Variants in ATP13A4 observed in about 807,000 individuals in gnomAD.
The protein encoded by ATP13A4 is ATPase 13A4.
Under a neutral mutation model 142.5 loss-of-function variants are expected in ATP13A4, and 114 were observed. That is an observed-to-expected ratio of 0.80 (90% confidence interval 0.69 to 0.93). The LOEUF (loss-of-function observed/expected upper bound fraction) is 0.93. Among genes scored for constraint, ATP13A4 ranks in the 40% least tolerant of loss-of-function variants. The pLI is 0.00. For synonymous variants in ATP13A4, 488 were observed against 514.8 expected, an observed-to-expected ratio of 0.95 and a Z score of 0.70; for missense variants, 1,392 against 1,454.0, an observed-to-expected ratio of 0.96 and a Z score of 0.69.
At chr3:193,422,931 G>C (rs1715477013) in intron 25 of ATP13A4, among the ~76,000 whole-genome samples, 1 of 149,208 alleles carries the variant, frequency 6.7e-6, no homozygotes, top group South Asian at 2.1e-4. Flanking sequence ...AAGCAAAACA[G>C]AGTTGGTTTT....
At chr3:193,496,801 A>G (rs1345564080) in intron 3 of ATP13A4, among the ~76,000 whole-genome samples, 1 of 36,748 alleles carries the variant, frequency 2.7e-5, no homozygotes, top group Non-Finnish European at 5.3e-5. Context: ...AAAATACATA[A>G]ATAAATAAAT....
rs73067625 is a variant in ATP13A4 at position 193,592,798 on chromosome 3, A to C, written n.91+223T>G. On this transcript the variant is annotated intron_variant and non_coding_transcript_variant, in intron 1 of 3. Coordinates refer to the ATP13A4 transcript ENST00000489140. ...TAACGATGTGAAAGTGCTTTCAAAC[A>C]AAGATGCCCAAGAAAGAAGGTAGGC... Among the ~76,000 whole-genome samples the C allele has an allele frequency of 7.2e-3, 1,103 of 152,308 alleles. 10 individuals carry two copies. Among genetic ancestry groups the C allele is most frequent in the African/African-American group, 0.021 (890 of 41,580 alleles).
intron 2 of ATP13A4, among the ~76,000 whole-genome samples, chr3:193,513,368 G>A (rs965256089): frequency 2.0e-5 from 3 of 152,190 alleles, no homozygotes; most frequent in African/African-American, 7.2e-5. Context: ...ACTCCCAACA[G>A]AGTTTGATTT....
At chr3:193,428,846 C>T (rs112089362) in intron 25 of ATP13A4, among the ~76,000 whole-genome samples, 10 of 151,278 alleles carry the variant, frequency 6.6e-5, no homozygotes, top group South Asian at 4.2e-4. Flanking sequence ...ATGTAAAGGA[C>T]GAGTTAATGG....
intron 23 of ATP13A4, 87 bp from the exon 24 acceptor site, chr3:193,435,831 G>GA (rs1445052154): frequency 4.0e-5 from 49 of 1,219,394 alleles, no homozygotes; most frequent in African/African-American, 7.5e-5. Context: ...AAGCTCAGGA[G>GA]AAAAAAAATC....
chr3:193,453,607 GT>G (rs933940815), intron 17 of ATP13A4, among the ~76,000 whole-genome samples: 4 of 151,704 alleles, frequency 2.6e-5, no homozygotes, highest in South Asian at 2.1e-4. Flanking sequence ...AGTTTTCCTT[GT>G]TTTTTTTGTA....
At chr3:193,573,771 C>T (rs73064002) in intron 2 of ATP13A4, among the ~76,000 whole-genome samples, 4,285 of 152,144 alleles carry the variant, frequency 0.028, 179 homozygotes, top group African/African-American at 0.092. Context: ...CTTCCAAAAT[C>T]GATTATTTAT....
intron 5 of ATP13A4, 44 bp downstream of exon 5, chr3:193,492,873 T>G: frequency 6.9e-7 from 1 of 1,443,120 alleles, no homozygotes. Context: ...GGCTAACTGA[T>G]AATAATCCTT....
chr3:193,502,767 G>A (rs1476202993), intron 2 of ATP13A4, 128 bp from the exon 3 acceptor site: 21 of 1,011,260 alleles, frequency 2.1e-5, no homozygotes, highest in Non-Finnish European at 2.2e-5. Flanking sequence ...TAGACAGAAC[G>A]GTTTGTCTCT....
intron 14 of ATP13A4, among the ~76,000 whole-genome samples, chr3:193,458,138 AG>A (rs1185219784): frequency 6.6e-6 from 1 of 152,222 alleles, no homozygotes; most frequent in Non-Finnish European, 1.5e-5. Context: ...ATAATGCTCC[AG>A]GAGATTTGGA....
intron 2 of ATP13A4, among the ~76,000 whole-genome samples, chr3:193,573,272 TATAC>T (rs1185023278): frequency 0.014 from 1,354 of 94,334 alleles, 26 homozygotes; most frequent in Non-Finnish European, 0.021. Flanking sequence ...TATATATATA[TATAC>T]ATATATATAT....
At chr3:193,432,744 A>T (rs1270933844) in intron 25 of ATP13A4, among the ~76,000 whole-genome samples, 2 of 151,796 alleles carry the variant, frequency 1.3e-5, no homozygotes, top group Non-Finnish European at 2.9e-5. Flanking sequence ...ATAATAAAAG[A>T]AAAGAAAAGA....
chr3:193,448,067 G>T, intron 18 of ATP13A4, 139 bp downstream of exon 18: 2 of 1,087,168 alleles, frequency 1.8e-6, no homozygotes, highest in Non-Finnish European at 2.7e-6. Context: ...CAGTAAATGT[G>T]CCTTTTTGTT....
At chr3:193,411,738 C>G (rs912122142) in intron 27 of ATP13A4, among the ~76,000 whole-genome samples, 1 of 152,204 alleles carries the variant, frequency 6.6e-6, no homozygotes, top group Non-Finnish European at 1.5e-5. Flanking sequence ...CCTCTCTAGT[C>G]AGGTTCCTCC....
intron 1 of ATP13A4, among the ~76,000 whole-genome samples, chr3:193,541,166 G>A (rs1167389917): frequency 2.0e-5 from 3 of 149,464 alleles, no homozygotes; most frequent in South Asian, 2.1e-4. Flanking sequence ...GGAGAATGGC[G>A]TGAACCCGGG....
At chr3:193,554,697 T>A (rs890856213) in intron 1 of ATP13A4, 43 bp downstream of exon 1, 1 of 1,581,230 alleles carries the variant, frequency 6.3e-7, no homozygotes, top group Non-Finnish European at 8.7e-7. Context: ...TCTCGCAGGC[T>A]GAGAAGTGGG....
rs528452736 is a variant in ATP13A4, at chr3:193,464,096, AAGT to A, written c.1461+841_1461+843del. Among the ~76,000 whole-genome samples the A allele has an allele frequency of 7.2e-5, 11 of 152,374 alleles. No homozygotes were observed. In the East Asian group the frequency reaches 2.1e-3, roughly 29 times the overall value. ...TTATGTGTATTTTACCACATTTAAAAAGTAAATTAAAGAAAGAAGTCAACAACA... is the reference window on the plus strand; with the variant it reads ...TTATGTGTATTTTACCACATTTAAAAAAATTAAAGAAAGAAGTCAACAACA... On this transcript the variant is annotated intron_variant, in intron 12 of 29. Coordinates refer to ENST00000342695, the MANE Select transcript of ATP13A4 (RefSeq NM_032279.4).
intron 15 of ATP13A4, 51 bp from the exon 16 acceptor site, chr3:193,457,204 T>A (rs766704174): frequency 1.9e-6 from 3 of 1,607,078 alleles, no homozygotes; most frequent in Non-Finnish European, 2.6e-6. Context: ...AGCTTCTAGC[T>A]ACTGGGAATT....
At chr3:193,448,168 A>G in intron 18 of ATP13A4, 38 bp downstream of exon 18, 1 of 1,611,846 alleles carries the variant, frequency 6.2e-7, no homozygotes, top group Non-Finnish European at 8.5e-7. Context: ...TTTCCACATC[A>G]AATTCTTACT....
Sources: allele counts gnomAD v4.1 joint callset (sites outside exome capture counted in the v4.1 genomes callset), GRCh38; gene constraint gnomAD v4.1.1; transcripts MANE v1.5; gene names NCBI Gene and HGNC (gene_info 2026-07-23, HGNC 2026-07-21).